Variants in GPR176 observed in about 807,000 individuals in gnomAD.
GPR176 encodes the protein G-protein coupled receptor 176.
A neutral mutation model predicts 35.4 loss-of-function variants in GPR176; 26 were observed. That is an observed-to-expected ratio of 0.74 (90% confidence interval 0.54 to 1.02). GPR176 has a LOEUF of 1.02. GPR176 is among the 50% of genes least tolerant of loss of function. The pLI is 0.00. For missense variants in GPR176, 597 were observed against 665.3 expected (o/e 0.90, Z 1.13); for synonymous variants, 278 against 271.3 (o/e 1.02, Z -0.24).
intron 1 of GPR176, among the ~76,000 whole-genome samples, chr15:39,852,572 A>G (rs2030945737): frequency 1.3e-5 from 2 of 152,244 alleles, no homozygotes; most frequent in South Asian, 4.1e-4. Context: ...GCAAAGTCAT[A>G]GAGGAATCCC....
At chr15:39,887,503 T>C (rs951044447) in intron 1 of GPR176, among the ~76,000 whole-genome samples, 1 of 151,706 alleles carries the variant, frequency 6.6e-6, no homozygotes, top group Non-Finnish European at 1.5e-5. Context: ...AAATGAATCA[T>C]TCATCCAACA....
At chr15:39,826,888 G>A (rs1900695443) in intron 1 of GPR176, among the ~76,000 whole-genome samples, 1 of 152,106 alleles carries the variant, frequency 6.6e-6, no homozygotes, top group South Asian at 2.1e-4. Context: ...TTCCACCACT[G>A]CTTGGCAGAA....
rs1350023659 is a variant in GPR176, at chr15:39,832,476, A to AAG, written c.173-25220_173-25219dup. 2.0e-5 allele frequency among the ~76,000 whole-genome samples: 3 copies of AAG among 152,262 alleles called. No homozygotes were observed. In the East Asian group the frequency reaches 5.8e-4, roughly 29 times the overall value. Reference sequence around the variant, plus strand: ...AAGTGATTCTCCAAAGGCTATAATCAAGGTCTCAGCAGGTCTATGTTCCTT... The same window carrying AAG: ...AAGTGATTCTCCAAAGGCTATAATCAAGAGGTCTCAGCAGGTCTATGTTCCTT... On this transcript the variant is annotated intron_variant, in intron 1 of 2. Coordinates refer to ENST00000561100, the MANE Select transcript of GPR176 (RefSeq NM_007223.3).
At position 39,801,828 on chromosome 15, in the gene GPR176, G is replaced by C. The variant is rs1485097851; in HGVS notation, c.852C>G (p.Thr284=). ...TGAGCACAGTCTGGTAGACGACCAG[G>C]GTGGCATAGGGCACGCTACACAAGA... The part of the protein sequence containing the change: ...VFILCSVPYA[T]LVVYQTVLNV... The change falls in exon 3 of 3, where the codon ACC becomes ACG. Residue 284 remains threonine, a synonymous_variant. Transcript: ENST00000561100. The C allele has an allele frequency of 1.9e-6, 3 of 1,613,724 alleles. No individual in the cohort carries two copies. The highest frequency in any genetic ancestry group is 2.2e-5 in the East Asian group (1 of 44,888).
At chr15:39,833,740 C>T (rs1012306335) in intron 1 of GPR176, among the ~76,000 whole-genome samples, 5 of 152,036 alleles carry the variant, frequency 3.3e-5, no homozygotes, top group African/African-American at 4.8e-5. Context: ...TGAGGAAAGT[C>T]CTAATATTTA....
At chr15:39,847,294 C>A (rs1166046639) in intron 1 of GPR176, among the ~76,000 whole-genome samples, 1 of 152,060 alleles carries the variant, frequency 6.6e-6, no homozygotes, top group Non-Finnish European at 1.5e-5. Context: ...ACATTAAATG[C>A]AAATGGTCCA....
At chr15:39,901,353 A>G (rs2033270568) in intron 1 of GPR176, among the ~76,000 whole-genome samples, 1 of 152,198 alleles carries the variant, frequency 6.6e-6, no homozygotes, top group East Asian at 1.9e-4. Flanking sequence ...AATTTTTAGG[A>G]AAGTTTCTAT....
At position 39,832,654 on chromosome 15, in the gene GPR176, A is replaced by AACACACACACACACACAC. The variant is rs112693906; in HGVS notation, c.173-25414_173-25397dup. Reference sequence around the variant, plus strand: ...AACGCTAATGATAGCTGATGAGCTAAACACACACACACACACACACACACA... The same window carrying AACACACACACACACACAC: ...AACGCTAATGATAGCTGATGAGCTAAACACACACACACACACACACACACACACACACACACACACACA... On this transcript the variant is annotated intron_variant, in intron 1 of 2. Transcript: ENST00000561100. Among the ~76,000 whole-genome samples the AACACACACACACACACAC allele has an allele frequency of 1.6e-3, 226 of 145,230 alleles. 1 individual carries two copies. Among genetic ancestry groups the AACACACACACACACACAC allele is most frequent in the South Asian group, 5.3e-3 (23 of 4,368 alleles).
intron 1 of GPR176, among the ~76,000 whole-genome samples, chr15:39,838,575 C>A (rs1355347551): frequency 6.6e-6 from 1 of 152,064 alleles, no homozygotes; most frequent in African/African-American, 2.4e-5. Context: ...GAACCAAAGA[C>A]AAAAACCACA....
intron 1 of GPR176, chr15:39,829,296 T>C: frequency 7.1e-7 from 1 of 1,402,472 alleles, no homozygotes; most frequent in South Asian, 1.5e-5. Context: ...AAGAACTTGG[T>C]GAGAGTAAGA....
At chr15:39,885,211 G>A (rs58594863) in intron 1 of GPR176, among the ~76,000 whole-genome samples, 1,896 of 152,230 alleles carry the variant, frequency 0.012, 50 homozygotes, top group African/African-American at 0.041. Context: ...TTTGAAAAGA[G>A]GACATAAAGA....
intron 1 of GPR176, among the ~76,000 whole-genome samples, chr15:39,859,619 A>G (rs1322631301): frequency 6.6e-6 from 1 of 152,242 alleles, no homozygotes; most frequent in African/African-American, 2.4e-5. Flanking sequence ...AGATTTCTCA[A>G]AAAATTAAAA....
intron 1 of GPR176, among the ~76,000 whole-genome samples, chr15:39,841,637 C>CA (rs1044261063): frequency 6.6e-6 from 1 of 152,100 alleles, no homozygotes; most frequent in African/African-American, 2.4e-5. Flanking sequence ...AGGGTTCCCC[C>CA]ACAGGTTTCA....
intron 1 of GPR176, among the ~76,000 whole-genome samples, chr15:39,812,972 T>G (rs1028434515): frequency 6.6e-6 from 1 of 152,124 alleles, no homozygotes; most frequent in Admixed American, 6.5e-5. Flanking sequence ...TGGGCTTAAG[T>G]GATCTGCCTG....
intron 1 of GPR176, among the ~76,000 whole-genome samples, chr15:39,809,630 C>A (rs911481168): frequency 6.6e-6 from 1 of 152,134 alleles, no homozygotes; most frequent in Non-Finnish European, 1.5e-5. Flanking sequence ...GGAACCATTC[C>A]AATTCCCTAT....
chr15:39,799,631 G>C lies in GPR176; in HGVS notation c.*1501C>G. On this transcript the variant is annotated 3_prime_UTR_variant, in exon 3 of 3. Transcript: ENST00000561100. ...TGAGATGTGGAAGTTTGCTGGTGAGGACACCCACTTCCCTTCAAGCTTGCT... is the reference window on the plus strand; with the variant it reads ...TGAGATGTGGAAGTTTGCTGGTGAGCACACCCACTTCCCTTCAAGCTTGCT... 1 of 152,262 alleles carries C rather than the reference G, an allele frequency of 6.6e-6. No homozygotes were observed. The highest frequency in any genetic ancestry group is 1.5e-5 in the Non-Finnish European group (1 of 68,096). The allele number at this position is 152,262 out of a possible 1,614,324, so 9.4% of individuals were successfully genotyped here.
Position 39,801,731 on chromosome 15 carries a change from G to C in GPR176, c.949C>G (p.Pro317Ala), listed in dbSNP as rs1450923376. ...WLPKVSLLAN[P>A]VLFLTVNKSV... ...TTGTTCACAGTAAGAAAGAGAACAG[G>C]GTTTGCCAGCAGGGAGACTTTGGGC... Residue 317 changes from proline to alanine, a missense_variant, in exon 3 of 3, where the codon CCT becomes GCT. Pro to Ala is a conservative substitution (Grantham distance 27). This residue lies in a region of GPR176 where 251 missense variants were observed against 255.4 expected (regional missense o/e 0.98). Coordinates refer to ENST00000561100, the MANE Select transcript of GPR176 (RefSeq NM_007223.3). 1 of 1,613,692 alleles carries C rather than the reference G, an allele frequency of 6.2e-7. No individual in the cohort carries two copies.
At chr15:39,840,256 G>C (rs1470894926) in intron 1 of GPR176, among the ~76,000 whole-genome samples, 1 of 152,138 alleles carries the variant, frequency 6.6e-6, no homozygotes, top group South Asian at 2.1e-4. Flanking sequence ...TGATAGACTA[G>C]ATTAAGAAAA....
At chr15:39,840,461 A>G (rs1335219497) in intron 1 of GPR176, among the ~76,000 whole-genome samples, 1 of 152,154 alleles carries the variant, frequency 6.6e-6, no homozygotes, top group African/African-American at 2.4e-5. Context: ...GGTGGGGAAC[A>G]TCACACACCA....
Sources: gnomAD v4.1 joint callset for allele counts (sites outside exome capture counted in the v4.1 genomes callset) on GRCh38, gnomAD v4.1.1 for gene constraint, gnomAD v4.1.1 regional missense constraint, MANE v1.5 for transcripts, NCBI Gene and HGNC (gene_info 2026-07-23, HGNC 2026-07-21) for gene names.